Variants in GNPDA1 observed in about 807,000 individuals in gnomAD.
GNPDA1 encodes the protein glucosamine-6-phosphate deaminase 1.
A neutral mutation model predicts 28.5 loss-of-function variants in GNPDA1; 24 were observed. That is an observed-to-expected ratio of 0.84 (90% CI 0.61 to 1.19). GNPDA1 has a LOEUF of 1.19. Ranked by LOEUF, GNPDA1 falls within the 50% of genes most tolerant of loss-of-function variation. The pLI is 0.00. For synonymous variants in GNPDA1, 147 were observed against 139.3 expected, an observed-to-expected ratio of 1.06 and a Z score of -0.39; for missense variants, 264 against 367.3, an observed-to-expected ratio of 0.72 and a Z score of 2.30.
chr5:142,004,700 G>A (rs906315198), intron 5 of GNPDA1, among the ~76,000 whole-genome samples: 2 of 152,196 alleles, frequency 1.3e-5, no homozygotes, highest in Admixed American at 6.5e-5. Context: ...GCTGTCTCAG[G>A]CAGTCAGCCA....
In GNPDA1 at chr5:142,007,907, G is replaced by T; in HGVS notation, c.125-7C>A. 6.5e-7 allele frequency: 1 copy of T among 1,546,358 alleles called. No homozygotes were observed. Among genetic ancestry groups the T allele is most frequent in the Non-Finnish European group, 8.9e-7 (1 of 1,118,210 alleles). ...CAGCCAAGTGGGGTACTCCCTGCAA[G>T]AGTGGCCACACCCATGAACACCCCT... On this transcript the variant is annotated splice_polypyrimidine_tract_variant and splice_region_variant and intron_variant, in intron 2 of 6. Coordinates refer to ENST00000311337, the MANE Select transcript of GNPDA1 (RefSeq NM_005471.5).
At chr5:142,012,958 G>C (rs994713058) in intron 1 of GNPDA1, 37 bp downstream of exon 1, 1 of 151,542 alleles carries the variant, frequency 6.6e-6, no homozygotes, top group African/African-American at 2.4e-5. Flanking sequence ...GCTCCGGCCC[G>C]CGAGGAAGGT....
At chr5:142,010,516 T>TTCTTTCTTTC (rs1561573682) in intron 2 of GNPDA1, among the ~76,000 whole-genome samples, 22 of 150,568 alleles carry the variant, frequency 1.5e-4, no homozygotes, top group Non-Finnish European at 2.4e-4. Flanking sequence ...TCTTTCTTTT[T>TTCTTTCTTTC]TTTTTTTTTT....
chr5:142,004,879 C>T (rs1755762197), intron 5 of GNPDA1, 53 bp downstream of exon 5: 1 of 1,264,630 alleles, frequency 7.9e-7, no homozygotes, highest in Admixed American at 2.3e-5. Flanking sequence ...TTAAGATTAA[C>T]AAGAGAAAGA....
At chr5:142,010,513 T>TCC (rs1755919966) in intron 2 of GNPDA1, among the ~76,000 whole-genome samples, 1 of 46,076 alleles carries the variant, frequency 2.2e-5, no homozygotes, top group African/African-American at 5.1e-5. Flanking sequence ...TTTTCTTTCT[T>TCC]TTTTTTTTTT....
At chr5:142,002,519 G>T (rs540932765) in intron 6 of GNPDA1, among the ~76,000 whole-genome samples, 92 of 152,296 alleles carry the variant, frequency 6.0e-4, no homozygotes, top group Non-Finnish European at 1.1e-3. Context: ...TTGGGAGGCC[G>T]AGGTGGGTGG....
intron 6 of GNPDA1, among the ~76,000 whole-genome samples, chr5:142,002,345 T>C (rs932088497): frequency 2.0e-5 from 3 of 152,174 alleles, no homozygotes; most frequent in Non-Finnish European, 4.4e-5. Flanking sequence ...TCAATCACTA[T>C]GGGAGTTGGC....
In GNPDA1 at chr5:142,001,709, T is replaced by A. The variant is rs772655391; in HGVS notation, c.*320A>T. The A allele has an allele frequency of 9.1e-5, 19 of 208,002 alleles. No individual in the cohort carries two copies. Among genetic ancestry groups the A allele is most frequent in the Non-Finnish European group, 1.8e-4 (19 of 104,668 alleles). The allele number at this position is 208,002 out of a possible 1,614,324, so 12.9% of individuals were successfully genotyped here. A position where few individuals can be genotyped will look rare whatever the true frequency, so the allele number is the denominator to read the frequency against. On this transcript the variant is annotated 3_prime_UTR_variant, in exon 7 of 7. Transcript: ENST00000311337. ...AAATCAGTGCGTGTAAGGAGAGAAATTCCTGACGGGAGTGTGTCATATGTG... is the reference window on the plus strand; with the variant it reads ...AAATCAGTGCGTGTAAGGAGAGAAAATCCTGACGGGAGTGTGTCATATGTG...
chr5:142,010,191 C>T (rs998895544), intron 2 of GNPDA1, among the ~76,000 whole-genome samples: 5 of 152,192 alleles, frequency 3.3e-5, no homozygotes, highest in African/African-American at 4.8e-5. Flanking sequence ...GACAGAGTAT[C>T]GCTGTCACCC....
rs1270588463 is a variant in GNPDA1 at position 142,000,896 on chromosome 5, T to C, written c.*1133A>G. On this transcript the variant is annotated 3_prime_UTR_variant, in exon 7 of 7. Coordinates refer to ENST00000311337, the MANE Select transcript of GNPDA1 (RefSeq NM_005471.5). ...CAAAAACAGCCAGGAGGAGGCAGCA[T>C]CCACTCCATGAAGGCCTAAGACAAT... The C allele has an allele frequency of 6.6e-6, 1 of 152,496 alleles. No individual in the cohort carries two copies. Among genetic ancestry groups the C allele is most frequent in the African/African-American group, 2.4e-5 (1 of 41,370 alleles). 9.4% of individuals were successfully genotyped at this position (152,496 alleles called of 1,614,324 possible).
At position 142,006,407 on chromosome 5, in the gene GNPDA1, G is replaced by T. The variant is rs1755806648; in HGVS notation, c.227-81C>A. ...AAGAAGGATGCCAGGACACCATGCT[G>T]ACCTACAGAGACACTCCCAGGGGTC... On this transcript the variant is annotated intron_variant, in intron 3 of 6. Transcript: ENST00000311337. The T allele has an allele frequency of 1.3e-5, 13 of 1,015,310 alleles. No individual in the cohort carries two copies. The East Asian group carries it at 3.2e-4, about 25-fold the overall frequency. The allele number at this position is 1,015,310 out of a possible 1,614,324, so 62.9% of individuals were successfully genotyped here. A position where few individuals can be genotyped will look rare whatever the true frequency, so the allele number is the denominator to read the frequency against.
intron 4 of GNPDA1, among the ~76,000 whole-genome samples, chr5:142,005,711 C>T (rs538838868): frequency 5.3e-5 from 8 of 152,264 alleles, no homozygotes; most frequent in Non-Finnish European, 1.0e-4. Context: ...CCAGAGGACC[C>T]GAGCACAAAT....
chr5:142,009,770 G>A (rs1483023517), intron 2 of GNPDA1, among the ~76,000 whole-genome samples: 1 of 152,102 alleles, frequency 6.6e-6, no homozygotes, highest in Non-Finnish European at 1.5e-5. Context: ...GCTTAATTTA[G>A]CTGGAGTTGG....
At chr5:142,010,389 C>G (rs536920789) in intron 2 of GNPDA1, among the ~76,000 whole-genome samples, 1 of 152,254 alleles carries the variant, frequency 6.6e-6, no homozygotes, top group South Asian at 2.1e-4. Flanking sequence ...AAATTCCTGA[C>G]TTCAAATGAT....
chr5:142,005,707 G>C (rs972732959), intron 4 of GNPDA1, among the ~76,000 whole-genome samples: 3 of 152,152 alleles, frequency 2.0e-5, no homozygotes, highest in Non-Finnish European at 4.4e-5. Context: ...CAGCCCAGAG[G>C]ACCCGAGCAC....
intron 2 of GNPDA1, among the ~76,000 whole-genome samples, chr5:142,008,830 G>A (rs1311448842): frequency 6.6e-6 from 1 of 152,044 alleles, no homozygotes; most frequent in South Asian, 2.1e-4. Flanking sequence ...ACTGGACACT[G>A]AATTAATTTT....
At position 142,000,976 on chromosome 5, in the gene GNPDA1, G is replaced by A; in HGVS notation, c.*1053C>T. The A allele has an allele frequency of 6.6e-6, 1 of 152,560 alleles. No individual in the cohort carries two copies. Among genetic ancestry groups the A allele is most frequent in the Non-Finnish European group, 1.5e-5 (1 of 68,066 alleles). The allele number at this position is 152,560 out of a possible 1,614,324, so 9.5% of individuals were successfully genotyped here. A position where few individuals can be genotyped will look rare whatever the true frequency, so the allele number is the denominator to read the frequency against. The stretch of plus-strand genomic sequence containing the variant: ...GGGATCCGGGGAGAAGGGTAAATGG[G>A]CAAAAGGGTTGTATTTCCTGATGCT... On this transcript the variant is annotated 3_prime_UTR_variant, in exon 7 of 7. Coordinates refer to ENST00000311337, the MANE Select transcript of GNPDA1 (RefSeq NM_005471.5).
In GNPDA1 at chr5:142,003,087, C is replaced by T. The variant is rs757333494; in HGVS notation, c.769+1G>A. The T allele has an allele frequency of 3.7e-5, 60 of 1,611,090 alleles. No homozygotes were observed. The highest frequency in any genetic ancestry group is 4.7e-5 in the Non-Finnish European group (55 of 1,178,284). ...TCCTCCTGGACCCACACCTCCCTCA[C>T]CTTTGAAATACTTGACAGTCTTCAC... On this transcript the variant is annotated splice_donor_variant, in intron 6 of 6. Transcript: ENST00000311337. LOFTEE classifies it high-confidence loss of function. The surrounding 1 kb of genome is among the most constrained non-coding windows in gnomAD (Gnocchi z 4.0).
At position 142,004,882 on chromosome 5, in the gene GNPDA1, G is replaced by A. The variant is rs1437394159; in HGVS notation, c.594+50C>T. On this transcript the variant is annotated intron_variant, in intron 5 of 6. Coordinates refer to ENST00000311337, the MANE Select transcript of GNPDA1 (RefSeq NM_005471.5). Reference sequence around the variant, plus strand: ...GTACCAGTATAGTTAAGATTAACAAGAGAAAGACAAGTCCACCAGCGCAAG... The same window carrying A: ...GTACCAGTATAGTTAAGATTAACAAAAGAAAGACAAGTCCACCAGCGCAAG... 2.3e-5 allele frequency: 30 copies of A among 1,291,074 alleles called. No homozygotes were observed. In the Admixed American group the frequency reaches 6.4e-4, roughly 28 times the overall value. The allele number at this position is 1,291,074 out of a possible 1,614,324, so 80.0% of individuals were successfully genotyped here. A position where few individuals can be genotyped will look rare whatever the true frequency, so the allele number is the denominator to read the frequency against.
Sources: allele counts gnomAD v4.1 joint callset (sites outside exome capture counted in the v4.1 genomes callset), GRCh38; gene constraint gnomAD v4.1.1; non-coding constraint Gnocchi (gnomAD v3.1); transcripts MANE v1.5; gene names NCBI Gene and HGNC (gene_info 2026-07-23, HGNC 2026-07-21).